Variants in STRN3 observed in about 807,000 individuals in gnomAD.
STRN3 encodes the protein striatin 3.
In STRN3, 29 loss-of-function variants were observed where a neutral mutation model predicts 95.6. The observed-to-expected ratio is 0.30, with a 90% CI of 0.23 to 0.41. STRN3 has a LOEUF of 0.41. Among genes scored for constraint, STRN3 ranks in the 10% least tolerant of loss-of-function variants. The pLI is 1.00. For synonymous variants in STRN3, 331 were observed against 357.6 expected, an observed-to-expected ratio of 0.93 and a Z score of 0.84; for missense variants, 890 against 972.1, an observed-to-expected ratio of 0.92 and a Z score of 1.12.
intron 1 of STRN3, among the ~76,000 whole-genome samples, chr14:30,984,461 T>C (rs1881579878): frequency 6.6e-6 from 1 of 151,630 alleles, no homozygotes; most frequent in African/African-American, 2.4e-5. Context: ...CTTTTAAATA[T>C]CTAGGGAAAA....
At chr14:30,929,966 A>AAAAAAAAAAAAAAAC (rs1555317368) in intron 7 of STRN3, among the ~76,000 whole-genome samples, 23 of 108,302 alleles carry the variant, frequency 2.1e-4, no homozygotes, top group Non-Finnish European at 3.4e-4. Context: ...AAAAAAAAAA[A>AAAAAAAAAAAAAAAC]AAAAAAAAAA....
chr14:31,012,039 G>A lies in STRN3; in HGVS notation c.282+13865C>T, dbSNP rs568566410. ...GGAGGTTGCAGTGAGCCGAGATCGC[G>A]CAACTGCGCTCCAGCATGGGCGACG... On this transcript the variant is annotated intron_variant, in intron 1 of 17. Coordinates refer to ENST00000357479, the MANE Select transcript of STRN3 (RefSeq NM_001083893.2). 6.6e-5 allele frequency among the ~76,000 whole-genome samples: 10 copies of A among 152,294 alleles called. No individual in the cohort carries two copies. In the South Asian group the frequency reaches 1.0e-3, roughly 16 times the overall value.
At chr14:30,994,475 C>T (rs997825675) in intron 1 of STRN3, among the ~76,000 whole-genome samples, 4 of 152,004 alleles carry the variant, frequency 2.6e-5, no homozygotes, top group Non-Finnish European at 5.9e-5. Context: ...TAAATCTATC[C>T]AAACATAAAC....
chr14:31,005,336 G>T (rs80012102), intron 1 of STRN3, among the ~76,000 whole-genome samples: 1 of 152,084 alleles, frequency 6.6e-6, no homozygotes, highest in Non-Finnish European at 1.5e-5. Flanking sequence ...CTCTCGTAGA[G>T]GGGATGGCAA....
chr14:30,963,794 A>G (rs1470262794), intron 1 of STRN3, among the ~76,000 whole-genome samples: 1 of 152,220 alleles, frequency 6.6e-6, no homozygotes, highest in Non-Finnish European at 1.5e-5. Flanking sequence ...TAACAAAAGA[A>G]AACTGGAAAT....
intron 8 of STRN3, among the ~76,000 whole-genome samples, chr14:30,925,268 G>A (rs1182610593): frequency 6.6e-6 from 1 of 152,032 alleles, no homozygotes; most frequent in Non-Finnish European, 1.5e-5. Context: ...GGGTGAGATG[G>A]AGTGAACGAG....
chr14:30,944,076 C>T (rs1268520135), intron 5 of STRN3, among the ~76,000 whole-genome samples: 1 of 151,898 alleles, frequency 6.6e-6, no homozygotes, highest in Admixed American at 6.6e-5. Context: ...CTTAATTTTG[C>T]AAAGGCAAGA....
At chr14:30,902,469 A>T in intron 16 of STRN3, 67 bp downstream of exon 16, 1 of 1,114,212 alleles carries the variant, frequency 9.0e-7, no homozygotes. Context: ...TATCTTACAT[A>T]AAACAGCATT....
intron 13 of STRN3, among the ~76,000 whole-genome samples, chr14:30,908,998 A>G (rs1896539193): frequency 6.6e-6 from 1 of 152,098 alleles, no homozygotes; most frequent in South Asian, 2.1e-4. Context: ...ATCTCCTCAC[A>G]CCTGTTCTGT....
intron 8 of STRN3, among the ~76,000 whole-genome samples, chr14:30,924,445 C>T (rs535405913): frequency 1.7e-4 from 26 of 151,892 alleles, no homozygotes; most frequent in African/African-American, 2.7e-4. Context: ...TGAGCCACCA[C>T]GCCCAGCTAA....
At chr14:30,923,113 G>A (rs1896925717) in intron 8 of STRN3, among the ~76,000 whole-genome samples, 2 of 152,118 alleles carry the variant, frequency 1.3e-5, no homozygotes, top group African/African-American at 4.8e-5. Context: ...TGTGCTAAAC[G>A]GAAGTAGCTT....
chr14:30,906,767 T>C lies in STRN3; in HGVS notation c.1888+110A>G, dbSNP rs910187634. The C allele has an allele frequency of 4.3e-6, 5 of 1,169,732 alleles. No homozygotes were observed. The African/African-American group carries it at 4.7e-5, about 11-fold the overall frequency. The allele number at this position is 1,169,732 out of a possible 1,614,324, so 72.5% of individuals were successfully genotyped here. On this transcript the variant is annotated intron_variant, in intron 14 of 17. Coordinates refer to ENST00000357479, the MANE Select transcript of STRN3 (RefSeq NM_001083893.2). ...TTTATCCTAACTTTTACAAAATTCATTCAATATATCTCTTTGGAACAGTAA... is the reference window on the plus strand; with the variant it reads ...TTTATCCTAACTTTTACAAAATTCACTCAATATATCTCTTTGGAACAGTAA...
At chr14:30,988,837 T>C (rs1184067323) in intron 1 of STRN3, among the ~76,000 whole-genome samples, 1 of 152,266 alleles carries the variant, frequency 6.6e-6, no homozygotes, top group East Asian at 1.9e-4. Context: ...CATCCAACTT[T>C]TGTTCACACT....
intron 1 of STRN3, among the ~76,000 whole-genome samples, chr14:30,976,500 A>C (rs1881110391): frequency 6.6e-6 from 1 of 152,212 alleles, no homozygotes; most frequent in Non-Finnish European, 1.5e-5. Context: ...ATATAGTTCA[A>C]CTGAACAGCA....
At chr14:30,976,983 G>C (rs1159802566) in intron 1 of STRN3, among the ~76,000 whole-genome samples, 1 of 152,126 alleles carries the variant, frequency 6.6e-6, no homozygotes, top group Non-Finnish European at 1.5e-5. Context: ...CCAGCACTTT[G>C]GGAGGCCGAG....
chr14:31,023,615 T>C (rs1410944099), intron 1 of STRN3, among the ~76,000 whole-genome samples: 1 of 151,830 alleles, frequency 6.6e-6, no homozygotes, highest in African/African-American at 2.4e-5. Flanking sequence ...CATAATAATA[T>C]GTAAGTTGTC....
chr14:30,908,349 CCAAAA>C (rs1441157521), intron 13 of STRN3, among the ~76,000 whole-genome samples: 2 of 152,130 alleles, frequency 1.3e-5, no homozygotes, highest in African/African-American at 4.8e-5. Flanking sequence ...CACTACCACA[CCAAAA>C]CAATCCTTGC....
intron 8 of STRN3, among the ~76,000 whole-genome samples, chr14:30,927,930 CAAAAAAAAAA>C (rs56216107): frequency 5.4e-4 from 46 of 85,070 alleles, no homozygotes; most frequent in African/African-American, 1.9e-3. Flanking sequence ...GAGACTCCGT[CAAAAAAAAAA>C]AAAAAAAAAA....
rs1041117588 is a variant in STRN3 at position 30,894,755 on chromosome 14, T to C, written c.*656A>G. On this transcript the variant is annotated 3_prime_UTR_variant, in exon 18 of 18. Transcript: ENST00000357479. ...GAGATCTCTGTGTTTTAGGGTTGTA[T>C]AATGCAGAAAAACTTCAATACAATC... 8.1e-5 allele frequency: 17 copies of C among 210,926 alleles called. No individual in the cohort carries two copies. The highest frequency in any genetic ancestry group is 3.0e-4 in the Admixed American group (5 of 16,784). The allele number at this position is 210,926 out of a possible 1,614,324, so 13.1% of individuals were successfully genotyped here.
Sources: allele counts gnomAD v4.1 joint callset (sites outside exome capture counted in the v4.1 genomes callset), GRCh38; gene constraint gnomAD v4.1.1; transcripts MANE v1.5; gene names NCBI Gene and HGNC (gene_info 2026-07-23, HGNC 2026-07-21).